The following MMP20 variants were observed in gnomAD, a reference collection of about 807,000 sequenced individuals.
The protein encoded by MMP20 is matrix metalloproteinase-20.
Under a neutral mutation model 51.8 loss-of-function variants are expected in MMP20, and 50 were observed. That is an observed-to-expected ratio of 0.97 (90% CI 0.77 to 1.22). The LOEUF is 1.22. MMP20 is among the 50% of genes most tolerant of loss of function. The pLI, the probability that MMP20 is intolerant of heterozygous loss-of-function variation, is 0.00. For synonymous variants in MMP20, 244 were observed against 216.2 expected, an observed-to-expected ratio of 1.13 and a Z score of -1.13; for missense variants, 663 against 601.4, an observed-to-expected ratio of 1.10 and a Z score of -1.07.
chr11:102,578,209 TCA>T (rs1477884090), intron 9 of MMP20, among the ~76,000 whole-genome samples: 1 of 151,236 alleles, frequency 6.6e-6, no homozygotes, highest in African/African-American at 2.4e-5. Context: ...AGTGGTGCAA[TCA>T]CAGTTCACCG....
intron 1 of MMP20, among the ~76,000 whole-genome samples, chr11:102,624,233 G>T (rs1346379398): frequency 1.3e-5 from 2 of 152,196 alleles, no homozygotes; most frequent in Non-Finnish European, 2.9e-5. Context: ...GGCGGAGCTG[G>T]TGATCACAGA....
At chr11:102,607,046 A>G in intron 5 of MMP20, 1 of 211,012 alleles carries the variant, frequency 4.7e-6, no homozygotes, top group Non-Finnish European at 9.7e-6. Flanking sequence ...GATATCTACA[A>G]GTGTTCCAAA....
At chr11:102,600,215 T>C (rs1461502008) in intron 6 of MMP20, among the ~76,000 whole-genome samples, 1 of 152,202 alleles carries the variant, frequency 6.6e-6, no homozygotes, top group African/African-American at 2.4e-5. Flanking sequence ...TGTTCCATGG[T>C]GGGCTTACCT....
At chr11:102,593,245 A>G (rs893784151) in intron 8 of MMP20, among the ~76,000 whole-genome samples, 194 bp downstream of exon 8, 4 of 152,202 alleles carry the variant, frequency 2.6e-5, no homozygotes, top group African/African-American at 9.6e-5. Context: ...TTATTGAATG[A>G]AGGTTTCACT....
At chr11:102,613,938 T>A (rs1458283698) in intron 2 of MMP20, among the ~76,000 whole-genome samples, 1 of 152,178 alleles carries the variant, frequency 6.6e-6, no homozygotes, top group East Asian at 1.9e-4. Flanking sequence ...CTTTGTGTGT[T>A]GGCCTGGAGA....
intron 6 of MMP20, among the ~76,000 whole-genome samples, chr11:102,604,857 T>A (rs1451534415): frequency 6.6e-6 from 1 of 152,112 alleles, no homozygotes; most frequent in Non-Finnish European, 1.5e-5. Flanking sequence ...ACTAGTAAAA[T>A]CCTATTTTTT....
At position 102,616,739 on chromosome 11, in the gene MMP20, T is replaced by G. The variant is rs138306847; in HGVS notation, c.374+73A>C. Reference sequence around the variant, plus strand: ...ATTTTTATACGGATGAGAAGGAAAATATTTTTTCAAGAAAAGGGAAAAAGA... The same window carrying G: ...ATTTTTATACGGATGAGAAGGAAAAGATTTTTTCAAGAAAAGGGAAAAAGA... On this transcript the variant is annotated intron_variant, in intron 2 of 9. Coordinates refer to ENST00000260228, the MANE Select transcript of MMP20 (RefSeq NM_004771.4). The G allele has an allele frequency of 3.7e-5, 59 of 1,587,490 alleles. 1 individual carries two copies. In the African/African-American group the frequency reaches 6.6e-4, roughly 18 times the overall value.
intron 2 of MMP20, among the ~76,000 whole-genome samples, chr11:102,614,759 C>T (rs1039917710): frequency 6.6e-6 from 1 of 151,598 alleles, no homozygotes; most frequent in Non-Finnish European, 1.5e-5. Context: ...ATCAAATGGA[C>T]TCACTGGTGT....
intron 3 of MMP20, among the ~76,000 whole-genome samples, chr11:102,611,002 G>A (rs543891218): frequency 1.3e-5 from 2 of 151,836 alleles, no homozygotes; most frequent in South Asian, 4.1e-4. Context: ...CTTCACCAGG[G>A]GTGGCCTTTC....
In MMP20 at chr11:102,577,233, A is replaced by G; in HGVS notation, c.*93T>C. On this transcript the variant is annotated 3_prime_UTR_variant, in exon 10 of 10. Transcript: ENST00000260228. Reference sequence around the variant, plus strand: ...AATTTGATTTGAAGGCCTTTGGAAGAATCCCTCTCCTACATTCTGCTTTAG... The same window carrying G: ...AATTTGATTTGAAGGCCTTTGGAAGGATCCCTCTCCTACATTCTGCTTTAG... 1 of 834,254 alleles carries G rather than the reference A, an allele frequency of 1.2e-6. No homozygotes were observed. The highest frequency in any genetic ancestry group is 1.4e-5 in the South Asian group (1 of 71,676). The allele number at this position is 834,254 out of a possible 1,614,324, so 51.7% of individuals were successfully genotyped here. A position where few individuals can be genotyped will look rare whatever the true frequency, so the allele number is the denominator to read the frequency against.
In MMP20 at chr11:102,611,916, A is replaced by G. The variant is rs1859606255; in HGVS notation, c.375-13T>C. The G allele has an allele frequency of 1.2e-6, 2 of 1,613,858 alleles. No individual in the cohort carries two copies. Among genetic ancestry groups the G allele is most frequent in the East Asian group, 2.2e-5 (1 of 44,898 alleles). The stretch of plus-strand genomic sequence containing the variant: ...GTATTTAGATATTCTGTGAAAACGG[A>G]AGGAACATGTTTTCTTTTCAGTAAC... On this transcript the variant is annotated splice_polypyrimidine_tract_variant and intron_variant, in intron 2 of 9. Transcript: ENST00000260228.
At chr11:102,594,892 G>GT (rs1042720757) in intron 6 of MMP20, 135 bp from the exon 7 acceptor site, 161 of 1,108,986 alleles carry the variant, frequency 1.5e-4, no homozygotes, top group Middle Eastern at 3.0e-4. Flanking sequence ...GCCTTGCCTT[G>GT]TTTTTTTTCT....
At chr11:102,581,868 G>T (rs1859199589) in intron 8 of MMP20, among the ~76,000 whole-genome samples, 1 of 152,138 alleles carries the variant, frequency 6.6e-6, no homozygotes, top group African/African-American at 2.4e-5. Context: ...CAATATTAAG[G>T]AAATAAATAC....
chr11:102,593,034 C>A (rs1315094928), intron 8 of MMP20, among the ~76,000 whole-genome samples: 2 of 152,224 alleles, frequency 1.3e-5, no homozygotes, highest in African/African-American at 4.8e-5. Context: ...GACCCATGGT[C>A]AGGACCATCT....
At position 102,577,289 on chromosome 11, in the gene MMP20, G is replaced by A; in HGVS notation, c.*37C>T. The A allele has an allele frequency of 2.8e-6, 4 of 1,408,064 alleles. No homozygotes were observed. The highest frequency in any genetic ancestry group is 4.0e-6 in the Non-Finnish European group (4 of 992,446). The allele number at this position is 1,408,064 out of a possible 1,614,324, so 87.2% of individuals were successfully genotyped here. On this transcript the variant is annotated 3_prime_UTR_variant, in exon 10 of 10. Transcript: ENST00000260228. ...AAGATCCAGTTAGAGGCTGCTTGTA[G>A]TCATCCTCATTGCTTGAGAAGACTA...
At chr11:102,603,372 G>A (rs1859472777) in intron 6 of MMP20, among the ~76,000 whole-genome samples, 1 of 152,184 alleles carries the variant, frequency 6.6e-6, no homozygotes, top group African/African-American at 2.4e-5. Flanking sequence ...CAGAGCTATA[G>A]AGTCATGGGA....
chr11:102,622,313 CTTAGCG>C (rs1319067134), intron 1 of MMP20, among the ~76,000 whole-genome samples: 1 of 152,168 alleles, frequency 6.6e-6, no homozygotes, highest in East Asian at 1.9e-4. Flanking sequence ...ACTCTCTCTG[CTTAGCG>C]TGACCCAGGC....
At chr11:102,596,071 G>A (rs769277128) in intron 6 of MMP20, among the ~76,000 whole-genome samples, 6 of 152,100 alleles carry the variant, frequency 3.9e-5, no homozygotes, top group East Asian at 1.9e-4. Context: ...AGAAGATGTC[G>A]GCCCTGCCCT....
In MMP20 at chr11:102,577,223, C is replaced by T; in HGVS notation, c.*103G>A. 1 of 772,376 alleles carries T rather than the reference C, an allele frequency of 1.3e-6. No individual in the cohort carries two copies. The highest frequency in any genetic ancestry group is 1.4e-5 in the South Asian group (1 of 69,010). 47.8% of individuals were successfully genotyped at this position (772,376 alleles called of 1,614,324 possible). A position where few individuals can be genotyped will look rare whatever the true frequency, so the allele number is the denominator to read the frequency against. On this transcript the variant is annotated 3_prime_UTR_variant, in exon 10 of 10. Coordinates refer to ENST00000260228, the MANE Select transcript of MMP20 (RefSeq NM_004771.4). ...AGTGAATTCTAATTTGATTTGAAGG[C>T]CTTTGGAAGAATCCCTCTCCTACAT...
Sources: allele counts gnomAD v4.1 joint callset (sites outside exome capture counted in the v4.1 genomes callset), GRCh38; gene constraint gnomAD v4.1.1; transcripts MANE v1.5; gene names NCBI Gene and HGNC (gene_info 2026-07-23, HGNC 2026-07-21).